Variants in PDE10A observed in about 807,000 individuals in gnomAD.
PDE10A encodes the protein phosphodiesterase 10A.
PDE10A carries 39 observed loss-of-function variants against 97.7 expected under a neutral mutation model. That is an observed-to-expected ratio of 0.40 (90% confidence interval 0.31 to 0.52). PDE10A has a LOEUF of 0.52. Among genes scored for constraint, PDE10A ranks in the 20% least tolerant of loss-of-function variants. The pLI, the probability that PDE10A is intolerant of heterozygous loss-of-function variation, is 0.56. For synonymous variants in PDE10A, 371 were observed against 376.8 expected (o/e 0.98, Z 0.18); for missense variants, 731 against 1,047.8 (o/e 0.70, Z 4.17).
intron 2 of PDE10A, among the ~76,000 whole-genome samples, chr6:165,505,448 C>T (rs499253): frequency 0.41 from 62,488 of 152,032 alleles, 17,460 homozygotes; most frequent in African/African-American, 0.8. Context: ...TGTGATTAAA[C>T]ATACACTGAT....
upstream of PDE10A, among the ~76,000 whole-genome samples, chr6:165,663,675 C>T (rs900983788): frequency 2.6e-5 from 4 of 152,210 alleles, no homozygotes; most frequent in African/African-American, 9.6e-5. Flanking sequence ...CGGTTCCTCC[C>T]CAGGACTCCC....
chr6:165,940,607 C>T (rs1287014609), intron 1 of PDE10A: 1 of 152,308 alleles, frequency 6.6e-6, no homozygotes, highest in Non-Finnish European at 1.5e-5. Context: ...ACGGGGCTCA[C>T]GTTCGCGTTT....
intron 1 of PDE10A, among the ~76,000 whole-genome samples, chr6:165,874,132 CAG>C (rs1781273185): frequency 6.6e-6 from 1 of 152,180 alleles, no homozygotes; most frequent in Non-Finnish European, 1.5e-5. Context: ...GCTCAGGAGA[CAG>C]GGGAGGAGAA....
chr6:165,723,039 A>T (rs983029688), intron 1 of PDE10A, among the ~76,000 whole-genome samples: 1 of 152,158 alleles, frequency 6.6e-6, no homozygotes, highest in African/African-American at 2.4e-5. Context: ...ATGTGAACAC[A>T]CCATGCCAGC....
At chr6:165,487,106 G>A (rs982830271) in intron 2 of PDE10A, among the ~76,000 whole-genome samples, 3 of 152,190 alleles carry the variant, frequency 2.0e-5, no homozygotes, top group Non-Finnish European at 4.4e-5. Context: ...GCTAGAAGAG[G>A]ATCAACTGCT....
At chr6:165,539,492 G>A (rs1030022886) in intron 2 of PDE10A, among the ~76,000 whole-genome samples, 2 of 152,188 alleles carry the variant, frequency 1.3e-5, no homozygotes, top group African/African-American at 4.8e-5. Context: ...CTAACTAGAA[G>A]AAAGGAATAA....
chr6:165,521,607 T>C (rs1274427297), intron 2 of PDE10A, among the ~76,000 whole-genome samples: 1 of 152,156 alleles, frequency 6.6e-6, no homozygotes, highest in African/African-American at 2.4e-5. Flanking sequence ...AGACAGAAGA[T>C]TAAATCAGCC....
intron 1 of PDE10A, among the ~76,000 whole-genome samples, chr6:165,574,648 A>T (rs1274021523): frequency 6.6e-6 from 1 of 152,186 alleles, no homozygotes; most frequent in African/African-American, 2.4e-5. Flanking sequence ...CATTCTGAAT[A>T]ACAAAAATAA....
intron 2 of PDE10A, among the ~76,000 whole-genome samples, chr6:165,520,481 T>G (rs189815742): frequency 1.3e-5 from 2 of 152,058 alleles, no homozygotes; most frequent in Non-Finnish European, 2.9e-5. Flanking sequence ...GGGAGTATGA[T>G]GAAGGAGAGG....
intron 1 of PDE10A, among the ~76,000 whole-genome samples, chr6:165,700,673 C>T (rs537060443): frequency 1.8e-4 from 27 of 152,266 alleles, no homozygotes; most frequent in South Asian, 6.2e-4. Flanking sequence ...GAGGTAGTCA[C>T]ATTTGAACTA....
intron 1 of PDE10A, among the ~76,000 whole-genome samples, chr6:165,731,540 T>A (rs1383392066): frequency 6.6e-6 from 1 of 150,800 alleles, no homozygotes; most frequent in Non-Finnish European, 1.5e-5. Context: ...AAGAGAAGAG[T>A]GAGGAAGGGG....
chr6:165,792,818 C>T (rs752707545), intron 1 of PDE10A, among the ~76,000 whole-genome samples: 10 of 152,136 alleles, frequency 6.6e-5, no homozygotes, highest in Non-Finnish European at 1.3e-4. Context: ...TTGTGGCATC[C>T]AGTATTCAAT....
intron 1 of PDE10A, among the ~76,000 whole-genome samples, chr6:165,758,156 T>C (rs1793160787): frequency 6.6e-6 from 1 of 152,226 alleles, no homozygotes; most frequent in African/African-American, 2.4e-5. Flanking sequence ...TAGGTTTTCC[T>C]GACTTGATTT....
At chr6:165,846,796 T>C (rs1253172327) in intron 1 of PDE10A, among the ~76,000 whole-genome samples, 1 of 152,164 alleles carries the variant, frequency 6.6e-6, no homozygotes, top group African/African-American at 2.4e-5. Context: ...CGAGCTAGCG[T>C]CCCTTCCTTT....
chr6:165,543,311 ACT>A (rs1783561338), intron 2 of PDE10A, 127 bp downstream of exon 2: 4 of 590,048 alleles, frequency 6.8e-6, no homozygotes, highest in Non-Finnish European at 1.1e-5. Flanking sequence ...AAATGGAATA[ACT>A]CTGATAGAAT....
At chr6:165,794,167 C>A (rs781090999) in intron 1 of PDE10A, among the ~76,000 whole-genome samples, 2 of 151,080 alleles carry the variant, frequency 1.3e-5, no homozygotes. Flanking sequence ...ACTGCACACT[C>A]ATACACTCCC....
At chr6:165,354,776 T>C (rs986115102) in intron 18 of PDE10A, among the ~76,000 whole-genome samples, 3 of 152,028 alleles carry the variant, frequency 2.0e-5, no homozygotes, top group Admixed American at 2.0e-4. Flanking sequence ...CTCTAGAAAA[T>C]GGTGAGGAGA....
At chr6:165,745,825 C>A (rs930607687) in intron 1 of PDE10A, among the ~76,000 whole-genome samples, 5 of 152,210 alleles carry the variant, frequency 3.3e-5, no homozygotes, top group Admixed American at 3.3e-4. Flanking sequence ...TTAAAACATG[C>A]AAGAGAATGA....
intron 1 of PDE10A, among the ~76,000 whole-genome samples, chr6:165,619,076 AGTCTAG>A (rs1787879685): frequency 1.0e-5 from 1 of 98,740 alleles, no homozygotes; most frequent in Non-Finnish European, 1.9e-5. Flanking sequence ...AGTGTAGTGT[AGTCTAG>A]TGTAGTCTAG....
Sources: allele counts gnomAD v4.1 joint callset (sites outside exome capture counted in the v4.1 genomes callset), GRCh38; gene constraint gnomAD v4.1.1; transcripts MANE v1.5; gene names NCBI Gene and HGNC (gene_info 2026-07-23, HGNC 2026-07-21).